Variants in CCSER1 observed in about 807,000 individuals in gnomAD.
The protein encoded by CCSER1 is coiled-coil serine rich protein 1, also known as serine-rich coiled-coil domain-containing protein 1.
In CCSER1, 41 loss-of-function variants were observed where a neutral mutation model predicts 82.0. That is an observed-to-expected ratio of 0.50 (90% CI 0.39 to 0.65). The LOEUF (loss-of-function observed/expected upper bound fraction) is 0.65. Among genes scored for constraint, CCSER1 ranks in the 30% least tolerant of loss-of-function variants. CCSER1 has a pLI of 0.00. For missense variants in CCSER1, 1,119 were observed against 1,064.2 expected, an observed-to-expected ratio of 1.05 and a Z score of -0.72; for synonymous variants, 414 against 383.9, an observed-to-expected ratio of 1.08 and a Z score of -0.92.
intron 10 of CCSER1, among the ~76,000 whole-genome samples, chr4:91,568,670 G>A (rs1763017211): frequency 6.6e-6 from 1 of 152,120 alleles, no homozygotes; most frequent in East Asian, 1.9e-4. Flanking sequence ...TGAAATTCTT[G>A]TATGGTGTTA....
chr4:90,824,627 T>G (rs909037563), intron 8 of CCSER1, among the ~76,000 whole-genome samples: 3 of 152,142 alleles, frequency 2.0e-5, no homozygotes, highest in Non-Finnish European at 4.4e-5. Context: ...TCTTTGTGCA[T>G]GAAAATCATA....
intron 10 of CCSER1, among the ~76,000 whole-genome samples, chr4:91,434,201 T>G (rs1188676084): frequency 3.3e-5 from 5 of 152,256 alleles, no homozygotes; most frequent in African/African-American, 9.6e-5. Context: ...TTGTTTGTTT[T>G]TTTTTTGTTT....
intron 10 of CCSER1, among the ~76,000 whole-genome samples, chr4:91,131,044 CTT>C (rs1361767624): frequency 6.6e-6 from 1 of 151,628 alleles, no homozygotes; most frequent in African/African-American, 2.4e-5. Flanking sequence ...TTAGAGAAAA[CTT>C]AAAAATATAA....
intron 9 of CCSER1, among the ~76,000 whole-genome samples, chr4:91,076,300 C>A (rs1480960092): frequency 6.7e-6 from 1 of 150,298 alleles, no homozygotes; most frequent in African/African-American, 2.5e-5. Context: ...CTCTGGCAAG[C>A]TTGCCTTTCA....
At chr4:90,186,555 C>T (rs1231147695) in intron 1 of CCSER1, among the ~76,000 whole-genome samples, 2 of 151,886 alleles carry the variant, frequency 1.3e-5, no homozygotes, top group African/African-American at 4.8e-5. Flanking sequence ...GAACAAAGTA[C>T]TTATCATTTA....
intron 7 of CCSER1, among the ~76,000 whole-genome samples, chr4:90,797,465 T>C (rs1756197735): frequency 6.6e-6 from 1 of 152,226 alleles, no homozygotes. Flanking sequence ...ACTGGGGAAT[T>C]TAGCCCATTT....
intron 5 of CCSER1, among the ~76,000 whole-genome samples, chr4:90,615,399 ATCT>A (rs1272322929): frequency 6.6e-6 from 1 of 152,200 alleles, no homozygotes; most frequent in East Asian, 1.9e-4. Flanking sequence ...TACATTAAAA[ATCT>A]TCTGGAAAGA....
chr4:90,231,115 C>A (rs1483822824), intron 1 of CCSER1, among the ~76,000 whole-genome samples: 2 of 151,880 alleles, frequency 1.3e-5, no homozygotes, highest in East Asian at 1.9e-4. Flanking sequence ...CTCCCTAACT[C>A]ATTTTATGAG....
At chr4:91,266,303 T>A (rs1581870646) in intron 10 of CCSER1, among the ~76,000 whole-genome samples, 2 of 151,952 alleles carry the variant, frequency 1.3e-5, no homozygotes, top group African/African-American at 2.4e-5. Flanking sequence ...CCCAGGCTGG[T>A]GTGCAGTGGC....
chr4:91,520,991 C>T (rs995234265), intron 10 of CCSER1, among the ~76,000 whole-genome samples: 37 of 121,768 alleles, frequency 3.0e-4, no homozygotes, highest in Admixed American at 2.6e-3. Flanking sequence ...CACCCATCAA[C>T]TCGTCATTTA....
chr4:90,970,237 G>A (rs1231277314), intron 9 of CCSER1, among the ~76,000 whole-genome samples: 2 of 151,738 alleles, frequency 1.3e-5, no homozygotes, highest in Non-Finnish European at 2.9e-5. Flanking sequence ...AACAGACATA[G>A]ACAGGAAATG....
chr4:91,475,424 A>T (rs1757538648), intron 10 of CCSER1, among the ~76,000 whole-genome samples: 1 of 151,874 alleles, frequency 6.6e-6, no homozygotes, highest in South Asian at 2.1e-4. Flanking sequence ...CTAAGGTCCT[A>T]TTCATTTTAT....
chr4:90,875,435 A>C (rs978734161), intron 8 of CCSER1, among the ~76,000 whole-genome samples: 3 of 152,172 alleles, frequency 2.0e-5, no homozygotes, highest in South Asian at 2.1e-4. Flanking sequence ...CATGAGAACA[A>C]ATGACTTCAC....
intron 1 of CCSER1, among the ~76,000 whole-genome samples, chr4:90,199,191 A>C (rs756974306): frequency 2.0e-5 from 3 of 152,198 alleles, no homozygotes; most frequent in African/African-American, 7.2e-5. Flanking sequence ...TGAGATTTCT[A>C]TACTTTAAAT....
chr4:91,259,321 T>C (rs1274266857), intron 10 of CCSER1, among the ~76,000 whole-genome samples: 1 of 152,162 alleles, frequency 6.6e-6, no homozygotes, highest in Admixed American at 6.5e-5. Context: ...ATGGGATGCA[T>C]ATTTGTTCTC....
chr4:91,381,071 G>C (rs1310915596), intron 10 of CCSER1, among the ~76,000 whole-genome samples: 1 of 152,030 alleles, frequency 6.6e-6, no homozygotes, highest in East Asian at 1.9e-4. Flanking sequence ...GTTGAATATT[G>C]GCCCCCACTC....
In CCSER1 at chr4:91,296,992, C is replaced by A. The variant is rs547078865; in HGVS notation, c.2217+210998C>A. On this transcript the variant is annotated intron_variant, in intron 10 of 10. Coordinates refer to ENST00000509176, the MANE Select transcript of CCSER1 (RefSeq NM_001145065.2). ...GATTTTGGGTTAAAAAAAAACAGGA[C>A]AAGATATTGCCAGCAATCCTTAAAG... Among the ~76,000 whole-genome samples, 3 of 151,258 alleles carry A rather than the reference C, an allele frequency of 2.0e-5. 1 individual carries two copies. Among genetic ancestry groups the A allele is most frequent in the African/African-American group, 4.8e-5 (2 of 41,278 alleles).
chr4:90,550,421 T>A (rs986372236), intron 5 of CCSER1, among the ~76,000 whole-genome samples: 3 of 152,194 alleles, frequency 2.0e-5, no homozygotes, highest in African/African-American at 7.2e-5. Context: ...TGTTTGAGAT[T>A]CTATAGTATT....
At chr4:90,698,871 G>A (rs1040123620) in intron 6 of CCSER1, among the ~76,000 whole-genome samples, 6 of 152,174 alleles carry the variant, frequency 3.9e-5, no homozygotes, top group African/African-American at 1.4e-4. Flanking sequence ...TTGGGAGGCT[G>A]AAGTGGGAGG....
Sources: allele counts gnomAD v4.1 joint callset (sites outside exome capture counted in the v4.1 genomes callset), GRCh38; gene constraint gnomAD v4.1.1; transcripts MANE v1.5; gene names NCBI Gene and HGNC (gene_info 2026-07-23, HGNC 2026-07-21).